The following BARX1 variants were observed in gnomAD, a reference collection of about 807,000 sequenced individuals.
BARX1 encodes BARX homeobox 1.
Under a neutral mutation model 19.6 loss-of-function variants are expected in BARX1, and 10 were observed. That is an observed-to-expected ratio of 0.51 (90% CI 0.31 to 0.86). BARX1 has a LOEUF of 0.86. Among genes scored for constraint, BARX1 ranks in the 40% least tolerant of loss-of-function variants. The pLI, the probability that BARX1 is intolerant of heterozygous loss-of-function variation, is 0.04. For missense variants in BARX1, 309 were observed against 360.4 expected, an observed-to-expected ratio of 0.86 and a Z score of 1.15; for synonymous variants, 177 against 170.0, an observed-to-expected ratio of 1.04 and a Z score of -0.32.
rs1181808628 is a variant in BARX1, at chr9:93,952,223, C to T, written c.706G>A (p.Asp236Asn). ...GGCACCTCCGCCGGTTTCTCTGCAT[C>T]CTTGGCGCGCTCCTGCTCAGTAAGC... ...EQLTEQERAK[D>N]AEKPAEVPGE... Residue 236 changes from aspartate (D) to asparagine (N), a missense_variant, in exon 4 of 4, where the codon GAT (aspartate) becomes AAT (asparagine). Around this residue, in one of 3 missense-constraint regions of BARX1, gnomAD observed 71 missense variants for 80.4 expected, o/e 0.88. Coordinates refer to ENST00000253968, the MANE Select transcript of BARX1 (RefSeq NM_021570.4). 2.5e-6 allele frequency: 4 copies of T among 1,611,974 alleles called. No individual in the cohort carries two copies. Among genetic ancestry groups the T allele is most frequent in the African/African-American group, 1.3e-5 (1 of 75,050 alleles).
chr9:93,952,028 G>T lies in BARX1; in HGVS notation c.*136C>A. The T allele has an allele frequency of 8.4e-7, 1 of 1,189,982 alleles. No individual in the cohort carries two copies. Among genetic ancestry groups the T allele is most frequent in the Non-Finnish European group, 1.2e-6 (1 of 869,308 alleles). 73.7% of individuals were successfully genotyped at this position (1,189,982 alleles called of 1,614,324 possible). On this transcript the variant is annotated 3_prime_UTR_variant, in exon 4 of 4. Coordinates refer to ENST00000253968, the MANE Select transcript of BARX1 (RefSeq NM_021570.4). ...TGTCCTTCCTCGTTTGGCCCCAATT[G>T]TCCGCATTCAAGATCATAATAAAAA...
In BARX1 at chr9:93,951,878, T is replaced by C. The variant is rs1829105496; in HGVS notation, c.*286A>G. On this transcript the variant is annotated 3_prime_UTR_variant, in exon 4 of 4. Coordinates refer to ENST00000253968, the MANE Select transcript of BARX1 (RefSeq NM_021570.4). Reference sequence around the variant, plus strand: ...GTGCAGGCGAGGAGCGGGGCGTGAATACGCGTGGAGCGCTCTGCGCCACGG... The same window carrying C: ...GTGCAGGCGAGGAGCGGGGCGTGAACACGCGTGGAGCGCTCTGCGCCACGG... 9 of 407,056 alleles carry C rather than the reference T, an allele frequency of 2.2e-5. No individual in the cohort carries two copies. In the East Asian group the frequency reaches 4.0e-4, roughly 18 times the overall value. The allele number at this position is 407,056 out of a possible 1,614,324, so 25.2% of individuals were successfully genotyped here. A position where few individuals can be genotyped will look rare whatever the true frequency, so the allele number is the denominator to read the frequency against.
chr9:93,952,170 C>T lies in BARX1; in HGVS notation c.759G>A (p.Glu253=), dbSNP rs781201415. ...CCCGCACCGTATACCGCCCTCAGTC[C>T]TCGCGGCTCCTGTCGCTGGGCTCGC... ...VPGEPSDRSR[E]D Residue 253 remains glutamate (E), a synonymous_variant, in exon 4 of 4, where the codon GAG becomes GAA. Transcript: ENST00000253968. 3.5e-5 allele frequency: 56 copies of T among 1,606,998 alleles called. 1 individual carries two copies. The South Asian group carries it at 6.0e-4, about 17-fold the overall frequency.
chr9:93,953,199 G>A lies in BARX1; in HGVS notation c.224-12C>T. The A allele has an allele frequency of 1.3e-6, 2 of 1,491,734 alleles. No individual in the cohort carries two copies. Among genetic ancestry groups the A allele is most frequent in the Admixed American group, 2.6e-5 (1 of 38,976 alleles). The allele number at this position is 1,491,734 out of a possible 1,614,324, so 92.4% of individuals were successfully genotyped here. A position where few individuals can be genotyped will look rare whatever the true frequency, so the allele number is the denominator to read the frequency against. On this transcript the variant is annotated splice_polypyrimidine_tract_variant and intron_variant, in intron 1 of 3. Transcript: ENST00000253968. ...GGCCTTCAGCACGGCTGCGAAGAAA[G>A]AGAATGAGGACCCGGGTGAGCTACG...
Position 93,953,105 on chromosome 9 carries a change from C to G in BARX1, c.306G>C (p.Leu102=), listed in dbSNP as rs1400539618. 1 of 1,558,294 alleles carries G rather than the reference C, an allele frequency of 6.4e-7. No individual in the cohort carries two copies. The highest frequency in any genetic ancestry group is 1.9e-5 in the Admixed American group (1 of 51,974). ...LGCSGLSSAL[L]AAGPGLPGAA... is the part of the protein sequence containing the mutation. ...CGCCGGGCAGCCCGGGCCCTGCCGC[C>G]AGCAACGCAGAGCTCAGCCCTGAAC... The change falls in exon 2 of 4, where the codon CTG becomes CTC. Residue 102 remains leucine (L), a synonymous_variant. Coordinates refer to ENST00000253968, the MANE Select transcript of BARX1 (RefSeq NM_021570.4).
In BARX1 at chr9:93,953,070, G is replaced by A; in HGVS notation, c.341C>T (p.Ala114Val). The change falls in exon 2 of 4, where the codon GCG becomes GTG. Residue 114 changes from alanine to valine, a missense_variant. Physicochemically the swap from Ala to Val is moderately conservative, Grantham distance 64. Coordinates refer to ENST00000253968, the MANE Select transcript of BARX1 (RefSeq NM_021570.4). Reference sequence around the variant, plus strand: ...CTGCAACTCGAGCGGCAGGTGTGGCGCACCCGCGGCGCCGGGCAGCCCGGG... The same window carrying A: ...CTGCAACTCGAGCGGCAGGTGTGGCACACCCGCGGCGCCGGGCAGCCCGGG... ...AGPGLPGAAG[A>V]PHLPLELQLR... 1 of 1,557,390 alleles carries A rather than the reference G, an allele frequency of 6.4e-7. No homozygotes were observed. The highest frequency in any genetic ancestry group is 8.7e-7 in the Non-Finnish European group (1 of 1,151,580).
chr9:93,952,284 C>T lies in BARX1; in HGVS notation c.645G>A (p.Gly215=). The T allele has an allele frequency of 6.2e-7, 1 of 1,611,894 alleles. No homozygotes were observed. ...TTGGAATTGAGTTCTTCTTGGGCCGCCCCTTGGGCTTGGTGGGAGACTCCA... is the reference window on the plus strand; with the variant it reads ...TTGGAATTGAGTTCTTCTTGGGCCGTCCCTTGGGCTTGGTGGGAGACTCCA... The part of the protein sequence containing the change: ...GGLESPTKPK[G]RPKKNSIPTS... Residue 215 remains glycine (G), a synonymous_variant, in exon 4 of 4, where the codon GGG becomes GGA. Transcript: ENST00000253968.
In BARX1 at chr9:93,955,090, C is replaced by A; in HGVS notation, c.57G>T (p.Ala19=). The A allele has an allele frequency of 7.4e-7, 1 of 1,353,242 alleles. No homozygotes were observed. The highest frequency in any genetic ancestry group is 9.5e-7 in the Non-Finnish European group (1 of 1,048,008). 83.8% of individuals were successfully genotyped at this position (1,353,242 alleles called of 1,614,324 possible). ...TGCGATAGCGGTGCGGCCGGTGGTC[C>A]GCGCAGCCCTCGGGCGGGCCGAAGC... The part of the protein sequence containing the change: ...AARFGPPEGC[A]DHRPHRYRSF... The change falls in exon 1 of 4, where the codon GCG becomes GCT. Residue 19 remains alanine, a synonymous_variant. Coordinates refer to ENST00000253968, the MANE Select transcript of BARX1 (RefSeq NM_021570.4). The surrounding 1 kb of genome is among the most constrained non-coding windows in gnomAD (Gnocchi z 4.4).
Position 93,955,219 on chromosome 9 carries a change from G to T in BARX1, c.-73C>A. ...GGCTTGGCTCCGGCGCGGGGCCCGCGCGGGGCTCTAGGCCGGCCCGCAGCT... is the reference window on the plus strand; with the variant it reads ...GGCTTGGCTCCGGCGCGGGGCCCGCTCGGGGCTCTAGGCCGGCCCGCAGCT... On this transcript the variant is annotated 5_prime_UTR_variant, in exon 1 of 4. Transcript: ENST00000253968. The surrounding 1 kb of genome is among the most constrained non-coding windows in gnomAD (Gnocchi z 4.4). The T allele has an allele frequency of 1.4e-6, 1 of 724,302 alleles. No individual in the cohort carries two copies. The highest frequency in any genetic ancestry group is 1.7e-6 in the Non-Finnish European group (1 of 594,604). 44.9% of individuals were successfully genotyped at this position (724,302 alleles called of 1,614,324 possible).
rs1446666183 is a variant in BARX1, at chr9:93,953,138, C to A, written c.273G>T (p.Pro91=). ...CAGAGCTCAGCCCTGAACAGCCCAG[C>A]GGCGCCAGTGGGAACTTGAACACCG... ...QAAVFKFPLA[P]LGCSGLSSAL... The change falls in exon 2 of 4, where the codon CCG becomes CCT. Residue 91 remains proline, a synonymous_variant. Transcript: ENST00000253968. 1 of 1,543,444 alleles carries A rather than the reference C, an allele frequency of 6.5e-7. No individual in the cohort carries two copies. Among genetic ancestry groups the A allele is most frequent in the South Asian group, 1.2e-5 (1 of 83,208 alleles).
Position 93,952,953 on chromosome 9 carries a change from T to C in BARX1, c.458A>G (p.Gln153Arg). ...RRSRTVFTEL[Q>R]LMGLEKRFEK... is the part of the protein sequence containing the mutation. ...GAAGCGTTTCTCCAGGCCCATCAGC[T>C]GCAGCTCGGTGAACACAGTGCGGCT... is the stretch of plus-strand genomic sequence containing the variant. Residue 153 changes from glutamine (Q) to arginine (R), a missense_variant, in exon 2 of 4, where the codon CAG (glutamine) becomes CGG (arginine). By Grantham distance (43) the Gln-to-Arg change is conservative. Around this residue, in one of 3 missense-constraint regions of BARX1, gnomAD observed 34 missense variants for 73.2 expected, o/e 0.46. Transcript: ENST00000253968. The C allele has an allele frequency of 6.4e-7, 1 of 1,571,608 alleles. No homozygotes were observed. Among genetic ancestry groups the C allele is most frequent in the Non-Finnish European group, 8.6e-7 (1 of 1,158,382 alleles).
At position 93,954,449 on chromosome 9, in the gene BARX1, C is replaced by A. The variant is rs774763027; in HGVS notation, c.223+475G>T. Among the ~76,000 whole-genome samples the A allele has an allele frequency of 9.4e-4, 143 of 152,234 alleles. 3 individuals are homozygous for A. The highest frequency in any genetic ancestry group is 8.5e-4 in the Non-Finnish European group (58 of 68,042). ...CGCTGGAGCTCCCGGGGACTCCGGG[C>A]CGGCTTGGGCCCGCGTCAGCACCCA... On this transcript the variant is annotated intron_variant, in intron 1 of 3. Transcript: ENST00000253968.
Position 93,953,165 on chromosome 9 carries a change from C to T in BARX1, c.246G>A (p.Ala82=). 2.0e-6 allele frequency: 3 copies of T among 1,525,004 alleles called. No homozygotes were observed. The highest frequency in any genetic ancestry group is 2.6e-6 in the Non-Finnish European group (3 of 1,145,990). 94.5% of individuals were successfully genotyped at this position (1,525,004 alleles called of 1,614,324 possible). Residue 82 remains alanine (A), a synonymous_variant, in exon 2 of 4, where the codon GCG becomes GCA. Coordinates refer to ENST00000253968, the MANE Select transcript of BARX1 (RefSeq NM_021570.4). The part of the protein sequence containing the change: ...SHLAVLKAEQ[A]AVFKFPLAPL... ...GCGCCAGTGGGAACTTGAACACCGC[C>T]GCCTGCTCGGCCTTCAGCACGGCTG...
At chr9:93,954,147 A>G (rs1829134542) in intron 1 of BARX1, among the ~76,000 whole-genome samples, 1 of 152,176 alleles carries the variant, frequency 6.6e-6, no homozygotes. Flanking sequence ...GAGAGAAGCG[A>G]GGGAGGCCGA....
chr9:93,953,321 G>A, intron 1 of BARX1, 134 bp from the exon 2 acceptor site: 1 of 1,059,938 alleles, frequency 9.4e-7, no homozygotes, highest in Non-Finnish European at 1.3e-6. Flanking sequence ...ACGCCCTGCC[G>A]GTCGGCGCCG....
chr9:93,952,639 T>A (rs1829116310), intron 3 of BARX1, 90 bp downstream of exon 3: 1 of 1,401,618 alleles, frequency 7.1e-7, no homozygotes, highest in Non-Finnish European at 1.0e-6. Flanking sequence ...TTGGGCAGAG[T>A]CTCAGTGGGG....
Position 93,953,119 on chromosome 9 carries a change from TCAGCCCTGAACAGCCCAGCGGCGC to T in BARX1, c.268_291del (p.Ala90_Leu97del). 6.4e-7 allele frequency: 1 copy of T among 1,560,058 alleles called. No individual in the cohort carries two copies. The highest frequency in any genetic ancestry group is 8.7e-7 in the Non-Finnish European group (1 of 1,154,342). Reference sequence around the variant, plus strand: ...GGCCCTGCCGCCAGCAACGCAGAGCTCAGCCCTGAACAGCCCAGCGGCGCCAGTGGGAACTTGAACACCGCCGCC... The same window carrying T: ...GGCCCTGCCGCCAGCAACGCAGAGCTCAGTGGGAACTTGAACACCGCCGCC... On this transcript the variant is annotated inframe_deletion, in exon 2 of 4. Transcript: ENST00000253968.
Position 93,952,136 on chromosome 9 carries a change from A to T in BARX1, c.*28T>A, listed in dbSNP as rs2118178035. The T allele has an allele frequency of 6.3e-7, 1 of 1,593,730 alleles. No homozygotes were observed. The highest frequency in any genetic ancestry group is 2.2e-5 in the East Asian group (1 of 44,454). ...TGAGGGGGCTGCGGGTGGCGCGGGC[A>T]TCCCAGGCCCCGCACCGTATACCGC... On this transcript the variant is annotated 3_prime_UTR_variant, in exon 4 of 4. Coordinates refer to ENST00000253968, the MANE Select transcript of BARX1 (RefSeq NM_021570.4).
In BARX1 at chr9:93,951,664, G is replaced by A. The variant is rs1299467546; in HGVS notation, c.*500C>T. On this transcript the variant is annotated 3_prime_UTR_variant, in exon 4 of 4. Transcript: ENST00000253968. ...ATATTTTATTGGAAAAAAAGTCACC[G>A]TCTTCGCAAGAGGGGGTAGGGGCCC... The A allele has an allele frequency of 6.6e-6, 1 of 151,496 alleles. No individual in the cohort carries two copies. The highest frequency in any genetic ancestry group is 1.5e-5 in the Non-Finnish European group (1 of 68,182). The allele number at this position is 151,496 out of a possible 1,614,324, so 9.4% of individuals were successfully genotyped here. A position where few individuals can be genotyped will look rare whatever the true frequency, so the allele number is the denominator to read the frequency against.
Sources: gnomAD v4.1 joint callset for allele counts (sites outside exome capture counted in the v4.1 genomes callset) on GRCh38, gnomAD v4.1.1 for gene constraint, gnomAD v4.1.1 regional missense constraint, Gnocchi (gnomAD v3.1) non-coding constraint, MANE v1.5 for transcripts, NCBI Gene and HGNC (gene_info 2026-07-23, HGNC 2026-07-21) for gene names.